Variants in RBM24 observed in about 807,000 individuals in gnomAD.
The protein encoded by RBM24 is RNA binding motif protein 24.
Under a neutral mutation model 23.6 loss-of-function variants are expected in RBM24, and 5 were observed. That is an observed-to-expected ratio of 0.21 (90% CI 0.11 to 0.45). The LOEUF (loss-of-function observed/expected upper bound fraction) is 0.45, where lower values mean the gene tolerates loss of function less well. RBM24 is among the 20% of genes least tolerant of loss of function. RBM24 has a pLI of 0.99. For missense variants in RBM24, 252 were observed against 314.6 expected, an observed-to-expected ratio of 0.80 and a Z score of 1.51; for synonymous variants, 151 against 129.5, an observed-to-expected ratio of 1.17 and a Z score of -1.13.
At chr6:17,289,327 T>A in intron 3 of RBM24, 2 of 985,416 alleles carry the variant, frequency 2.0e-6, no homozygotes, top group Non-Finnish European at 2.4e-6. Context: ...GTCTTTCGGG[T>A]TCTCCTTTTC....
At chr6:17,284,776 GTTATAT>G in intron 3 of RBM24, 65 bp downstream of exon 3, 1 of 1,181,480 alleles carries the variant, frequency 8.5e-7, no homozygotes, top group African/African-American at 1.5e-5. Flanking sequence ...GTGCCTCTTT[GTTATAT>G]ACAGATAAGA....
intron 1 of RBM24, chr6:17,282,561 G>A: frequency 1.8e-6 from 1 of 567,690 alleles, no homozygotes; most frequent in Non-Finnish European, 3.1e-6. Flanking sequence ...GGTGGGGTGG[G>A]GGGAGGCAGG....
At chr6:17,286,614 T>C (rs1333141730) in intron 3 of RBM24, among the ~76,000 whole-genome samples, 1 of 152,174 alleles carries the variant, frequency 6.6e-6, no homozygotes, top group East Asian at 1.9e-4. Flanking sequence ...TTGTTTCAAG[T>C]ACAAAAGGAA....
At chr6:17,287,480 G>A (rs912979773) in intron 3 of RBM24, among the ~76,000 whole-genome samples, 1 of 152,154 alleles carries the variant, frequency 6.6e-6, no homozygotes, top group South Asian at 2.1e-4. Context: ...ACCTTGGAAA[G>A]GGGAGGCTAC....
chr6:17,290,003 C>G (rs1013719149), intron 3 of RBM24: 2 of 1,289,404 alleles, frequency 1.6e-6, no homozygotes, highest in Non-Finnish European at 1.0e-6. Flanking sequence ...AAGAACATCT[C>G]TGAGTGTCCT....
chr6:17,281,898 C>T lies in RBM24; in HGVS notation c.168+149C>T, dbSNP rs1490877545. 10 of 1,365,840 alleles carry T rather than the reference C, an allele frequency of 7.3e-6. No homozygotes were observed. The East Asian group carries it at 2.1e-4, about 28-fold the overall frequency. 84.6% of individuals were successfully genotyped at this position (1,365,840 alleles called of 1,614,324 possible). Reference sequence around the variant, plus strand: ...CCCTTCGCTCCGGGGTGAACTGAAACTTTGCTAGGGGAGAGGGTCGGCGCC... The same window carrying T: ...CCCTTCGCTCCGGGGTGAACTGAAATTTTGCTAGGGGAGAGGGTCGGCGCC... On this transcript the variant is annotated intron_variant, in intron 1 of 3. Transcript: ENST00000379052. The surrounding 1 kb of genome is among the most constrained non-coding windows in gnomAD (Gnocchi z 7.1).
chr6:17,290,025 G>A (rs1452440921), intron 3 of RBM24: 2 of 1,289,410 alleles, frequency 1.6e-6, no homozygotes, highest in Admixed American at 2.3e-5. Flanking sequence ...AGAAACACTT[G>A]ATGACGTCGT....
At chr6:17,282,722 G>T in intron 1 of RBM24, 83 bp from the exon 2 acceptor site, 2 of 1,553,936 alleles carry the variant, frequency 1.3e-6, no homozygotes, top group South Asian at 2.3e-5. Flanking sequence ...TATCATGAAT[G>T]ACTTCTCCAT....
intron 3 of RBM24, chr6:17,289,566 T>A: frequency 1.0e-6 from 1 of 985,428 alleles, no homozygotes; most frequent in Middle Eastern, 5.2e-4. Flanking sequence ...TTTCTCCTTT[T>A]TGTAGGATAA....
chr6:17,287,141 T>C (rs1760220937), intron 3 of RBM24, among the ~76,000 whole-genome samples: 1 of 152,234 alleles, frequency 6.6e-6, no homozygotes, highest in Admixed American at 6.5e-5. Flanking sequence ...TAAGAGGTTC[T>C]CAACACTGCT....
rs922389809 is a variant in RBM24, at chr6:17,288,573, A to G, written c.348-3183A>G. ...CATAAAAAAAGAAACATATGAGACT[A>G]AACGATAAAGCAAATTTCTGAAACC... On this transcript the variant is annotated intron_variant, in intron 3 of 3. Coordinates refer to ENST00000379052, the MANE Select transcript of RBM24 (RefSeq NM_001143942.2). 9.1e-6 allele frequency: 9 copies of G among 985,336 alleles called. No individual in the cohort carries two copies. In the African/African-American group the frequency reaches 1.6e-4, roughly 17 times the overall value. The allele number at this position is 985,336 out of a possible 1,614,324, so 61.0% of individuals were successfully genotyped here.
At position 17,283,706 on chromosome 6, in the gene RBM24, C is replaced by G. The variant is rs527880137; in HGVS notation, c.292+778C>G. The stretch of plus-strand genomic sequence containing the variant: ...TGCTGGGATTACAGGCGTGAGCCAC[C>G]GCGCCTGGCCCAAAATGGTAAACCT... On this transcript the variant is annotated intron_variant, in intron 2 of 3. Transcript: ENST00000379052. 3.8e-3 allele frequency among the ~76,000 whole-genome samples: 582 copies of G among 152,296 alleles called. 5 individuals carry two copies. Among genetic ancestry groups the G allele is most frequent in the African/African-American group, 0.014 (565 of 41,558 alleles).
chr6:17,289,310 C>G, intron 3 of RBM24: 1 of 985,386 alleles, frequency 1.0e-6, no homozygotes, highest in Non-Finnish European at 1.2e-6. Context: ...ATTTTAGGCT[C>G]TCCAAGGTCT....
At position 17,291,885 on chromosome 6, in the gene RBM24, A is replaced by G; in HGVS notation, c.477A>G (p.Gln159=). The change falls in exon 4 of 4, where the codon CAA becomes CAG. Residue 159 remains glutamine (Q), a synonymous_variant. Coordinates refer to ENST00000379052, the MANE Select transcript of RBM24 (RefSeq NM_001143942.2). ...YIDYTGAAYA[Q]YSAAAAAAAA... is the part of the protein sequence containing the mutation. Reference sequence around the variant, plus strand: ...ATTACACTGGAGCTGCATACGCACAATACTCAGCAGCTGCTGCTGCTGCCG... The same window carrying G: ...ATTACACTGGAGCTGCATACGCACAGTACTCAGCAGCTGCTGCTGCTGCCG... The G allele has an allele frequency of 1.9e-6, 3 of 1,613,954 alleles. No individual in the cohort carries two copies. Among genetic ancestry groups the G allele is most frequent in the Non-Finnish European group, 2.5e-6 (3 of 1,180,000 alleles).
chr6:17,289,323 C>T (rs915861482), intron 3 of RBM24: 6 of 985,396 alleles, frequency 6.1e-6, no homozygotes, highest in East Asian at 1.1e-4. Context: ...CAAGGTCTTT[C>T]GGGTTCTCCT....
At chr6:17,284,558 T>G in intron 2 of RBM24, 99 bp from the exon 3 acceptor site, 1 of 900,992 alleles carries the variant, frequency 1.1e-6, no homozygotes, top group Non-Finnish European at 1.7e-6. Flanking sequence ...GAAAGAATGT[T>G]TATCTTTTAT....
At position 17,292,121 on chromosome 6, in the gene RBM24, C is replaced by T; in HGVS notation, c.*2C>T. ...CTGCAGACAGACCGAATGCAATAGA[C>T]CAGCCATCTGATCAAAGTTGAATTG... is the stretch of plus-strand genomic sequence containing the variant. On this transcript the variant is annotated 3_prime_UTR_variant, in exon 4 of 4. Coordinates refer to ENST00000379052, the MANE Select transcript of RBM24 (RefSeq NM_001143942.2). The T allele has an allele frequency of 1.3e-6, 2 of 1,503,300 alleles. No individual in the cohort carries two copies. Among genetic ancestry groups the T allele is most frequent in the South Asian group, 1.3e-5 (1 of 77,066 alleles). The allele number at this position is 1,503,300 out of a possible 1,614,324, so 93.1% of individuals were successfully genotyped here. A position where few individuals can be genotyped will look rare whatever the true frequency, so the allele number is the denominator to read the frequency against.
In RBM24 at chr6:17,292,285, T is replaced by A; in HGVS notation, c.*166T>A. 1 of 575,496 alleles carries A rather than the reference T, an allele frequency of 1.7e-6. No individual in the cohort carries two copies. Among genetic ancestry groups the A allele is most frequent in the Non-Finnish European group, 2.7e-6 (1 of 374,840 alleles). The allele number at this position is 575,496 out of a possible 1,614,324, so 35.6% of individuals were successfully genotyped here. On this transcript the variant is annotated 3_prime_UTR_variant, in exon 4 of 4. Transcript: ENST00000379052. ...TTTTTTTATACTCCAGGTAGTGTTCTAGATGAGAAAGAGGTAAGAATGAGG... is the reference window on the plus strand; with the variant it reads ...TTTTTTTATACTCCAGGTAGTGTTCAAGATGAGAAAGAGGTAAGAATGAGG...
intron 3 of RBM24, among the ~76,000 whole-genome samples, chr6:17,287,034 G>A (rs962859333): frequency 5.9e-5 from 9 of 152,208 alleles, no homozygotes; most frequent in Non-Finnish European, 1.0e-4. Flanking sequence ...ATAAAGGATG[G>A]TGATTATTAG....
Sources: allele counts gnomAD v4.1 joint callset (sites outside exome capture counted in the v4.1 genomes callset), GRCh38; gene constraint gnomAD v4.1.1; non-coding constraint Gnocchi (gnomAD v3.1); transcripts MANE v1.5; gene names NCBI Gene and HGNC (gene_info 2026-07-23, HGNC 2026-07-21).